RNF150: variants seen among roughly 807,000 people sequenced by gnomAD.
RNF150 encodes ring finger protein 150.
In RNF150, 24 loss-of-function variants were observed where a neutral mutation model predicts 39.3. The ratio of observed to expected loss-of-function variants is 0.61; its 90% CI spans 0.44 to 0.86. The LOEUF is 0.86. Among genes scored for constraint, RNF150 ranks in the 40% least tolerant of loss-of-function variants. The pLI, the probability that RNF150 is intolerant of heterozygous loss-of-function variation, is 0.00. For missense variants in RNF150, 502 were observed against 587.8 expected (o/e 0.85, Z 1.51); for synonymous variants, 255 against 227.3 (o/e 1.12, Z -1.10).
intron 1 of RNF150, among the ~76,000 whole-genome samples, chr4:141,062,026 T>C (rs997949026): frequency 3.3e-5 from 5 of 152,172 alleles, no homozygotes; most frequent in Non-Finnish European, 5.9e-5. Flanking sequence ...GTACACTAAA[T>C]ACTTTTCCCA....
intron 1 of RNF150, among the ~76,000 whole-genome samples, chr4:141,050,204 T>C (rs538924070): frequency 7.9e-5 from 12 of 152,196 alleles, no homozygotes; most frequent in African/African-American, 2.6e-4. Context: ...GAAATGAAAC[T>C]GGTTGTGTGT....
At chr4:140,974,464 T>C (rs551505237) in intron 1 of RNF150, among the ~76,000 whole-genome samples, 28 of 152,350 alleles carry the variant, frequency 1.8e-4, no homozygotes, top group African/African-American at 6.3e-4. Flanking sequence ...AAAGCTGCTA[T>C]GAACATTAGT....
chr4:141,036,569 G>A (rs577775763), intron 1 of RNF150, among the ~76,000 whole-genome samples: 12 of 152,232 alleles, frequency 7.9e-5, no homozygotes, highest in East Asian at 5.8e-4. Flanking sequence ...GGGTAATAAC[G>A]TGTTCCTGAA....
intron 1 of RNF150, among the ~76,000 whole-genome samples, chr4:141,093,102 C>T (rs1297071992): frequency 2.6e-5 from 4 of 152,036 alleles, no homozygotes; most frequent in South Asian, 2.1e-4. Flanking sequence ...CGCGGCGGCT[C>T]ATGCCTGTAA....
intron 1 of RNF150, among the ~76,000 whole-genome samples, chr4:140,971,446 A>G (rs28593264): frequency 0.049 from 7,428 of 152,222 alleles, 478 homozygotes; most frequent in African/African-American, 0.14. Flanking sequence ...CTATTTGGGC[A>G]ATTCTATTTA....
chr4:140,914,689 G>A lies in RNF150; in HGVS notation c.988-3335C>T, dbSNP rs543975490. ...TACACCTGACTGGATAGAATGGAGG[G>A]TGAAGCACTGTAATGTAGATCAAAA... On this transcript the variant is annotated intron_variant, in intron 5 of 6. Coordinates refer to ENST00000515673, the MANE Select transcript of RNF150 (RefSeq NM_020724.2). 3.8e-4 allele frequency among the ~76,000 whole-genome samples: 58 copies of A among 152,066 alleles called. 3 individuals carry two copies. The South Asian group carries it at 0.01, about 27-fold the overall frequency.
At chr4:141,087,731 G>A (rs528263961) in intron 1 of RNF150, among the ~76,000 whole-genome samples, 2 of 152,258 alleles carry the variant, frequency 1.3e-5, no homozygotes, top group African/African-American at 4.8e-5. Flanking sequence ...GTGGGTCAGT[G>A]ATTTGCATTG....
At chr4:141,149,213 T>C (rs929314676) in intron 1 of RNF150, among the ~76,000 whole-genome samples, 4 of 152,220 alleles carry the variant, frequency 2.6e-5, no homozygotes, top group Non-Finnish European at 2.9e-5. Context: ...AATAGTGTCC[T>C]GATACAGGTT....
intron 1 of RNF150, among the ~76,000 whole-genome samples, chr4:141,157,948 C>A (rs1727440654): frequency 6.6e-6 from 1 of 152,196 alleles, no homozygotes; most frequent in African/African-American, 2.4e-5. Context: ...TTATCCCCTC[C>A]TAGTGCTCAG....
intron 1 of RNF150, among the ~76,000 whole-genome samples, chr4:141,193,860 A>T (rs1369486882): frequency 2.6e-5 from 4 of 152,224 alleles, no homozygotes; most frequent in African/African-American, 9.6e-5. Flanking sequence ...CTGGCTATCC[A>T]ATTTCCCACT....
intron 1 of RNF150, among the ~76,000 whole-genome samples, chr4:141,045,516 A>C (rs1385123872): frequency 1.3e-5 from 2 of 151,954 alleles, no homozygotes; most frequent in African/African-American, 2.4e-5. Context: ...ATTTAGGAAC[A>C]CATTCTTTTT....
intron 6 of RNF150, among the ~76,000 whole-genome samples, chr4:140,879,686 G>C (rs1205651041): frequency 6.6e-6 from 1 of 152,048 alleles, no homozygotes; most frequent in Admixed American, 6.6e-5. Flanking sequence ...GCCTGGCATG[G>C]TGGCACATGT....
chr4:141,008,106 C>CA (rs1445881060), intron 1 of RNF150, among the ~76,000 whole-genome samples: 1 of 151,962 alleles, frequency 6.6e-6, no homozygotes, highest in Non-Finnish European at 1.5e-5. Context: ...CTCCTACTAC[C>CA]AAAAAAACAT....
Position 141,133,122 on chromosome 4 carries a change from G to T in RNF150, c.-314C>A, listed in dbSNP as rs187742205. The T allele has an allele frequency of 2.4e-4, 77 of 318,252 alleles. No individual in the cohort carries two copies. The highest frequency in any genetic ancestry group is 1.6e-3 in the African/African-American group (70 of 43,884). The allele number at this position is 318,252 out of a possible 1,614,324, so 19.7% of individuals were successfully genotyped here. On this transcript the variant is annotated 5_prime_UTR_variant, in exon 1 of 7. Coordinates refer to ENST00000515673, the MANE Select transcript of RNF150 (RefSeq NM_020724.2). ...TGCCGAGCGTCCTGCTCCTTCGCCC[G>T]GCTTCGCCTTCTCTCATAAGGGTGG...
intron 1 of RNF150, among the ~76,000 whole-genome samples, chr4:141,110,212 T>C (rs1739342372): frequency 6.6e-6 from 1 of 152,128 alleles, no homozygotes; most frequent in African/African-American, 2.4e-5. Context: ...CGTCAATCCT[T>C]CCTTACTGGA....
At chr4:140,919,401 C>G (rs1299675836) in intron 5 of RNF150, among the ~76,000 whole-genome samples, 1 of 135,700 alleles carries the variant, frequency 7.4e-6, no homozygotes, top group East Asian at 2.4e-4. Flanking sequence ...AACAGACAAA[C>G]AGAGAGCCAA....
intron 1 of RNF150, among the ~76,000 whole-genome samples, chr4:141,209,308 A>G (rs551905157): frequency 6.6e-6 from 1 of 152,244 alleles, no homozygotes; most frequent in South Asian, 2.1e-4. Flanking sequence ...TGTACATGCT[A>G]TTCTATTTCT....
At chr4:141,077,448 T>C (rs1227570878) in intron 1 of RNF150, among the ~76,000 whole-genome samples, 5 of 152,218 alleles carry the variant, frequency 3.3e-5, no homozygotes, top group Admixed American at 3.3e-4. Flanking sequence ...ATGGAACTGT[T>C]CTGTATCTTG....
chr4:141,075,022 C>T (rs1737843979), intron 1 of RNF150, among the ~76,000 whole-genome samples: 1 of 152,144 alleles, frequency 6.6e-6, no homozygotes, highest in Non-Finnish European at 1.5e-5. Context: ...ATATACTGTC[C>T]CGTGAGTTTT....
Sources: allele counts gnomAD v4.1 joint callset (sites outside exome capture counted in the v4.1 genomes callset), GRCh38; gene constraint gnomAD v4.1.1; transcripts MANE v1.5; gene names NCBI Gene and HGNC (gene_info 2026-07-23, HGNC 2026-07-21).